EXOC4: variants seen among roughly 807,000 people sequenced by gnomAD.
EXOC4 encodes the protein SEC8-like 1.
EXOC4 carries 71 observed loss-of-function variants against 107.2 expected under a neutral mutation model. The ratio of observed to expected loss-of-function variants is 0.66; its 90% CI spans 0.55 to 0.81. The LOEUF (loss-of-function observed/expected upper bound fraction) is 0.81, where lower values mean the gene tolerates loss of function less well. Ranked by LOEUF, EXOC4 falls within the 30% of genes least tolerant of loss-of-function variation. The pLI is 0.00. For missense variants in EXOC4, 1,108 were observed against 1,189.6 expected (o/e 0.93, Z 1.01); for synonymous variants, 456 against 441.2 (o/e 1.03, Z -0.42).
intron 10 of EXOC4, among the ~76,000 whole-genome samples, chr7:133,660,157 A>G (rs1280119378): frequency 1.4e-5 from 2 of 143,594 alleles, no homozygotes; most frequent in East Asian, 4.2e-4. Context: ...ACGGACTAGA[A>G]CTTCTATGTG....
At chr7:133,370,166 A>G (rs1359203532) in intron 6 of EXOC4, among the ~76,000 whole-genome samples, 1 of 122,168 alleles carries the variant, frequency 8.2e-6, no homozygotes, top group African/African-American at 3.1e-5. Context: ...CATAAACCAA[A>G]GAGTATCTGA....
intron 6 of EXOC4, among the ~76,000 whole-genome samples, chr7:133,362,337 G>A (rs1796154534): frequency 6.6e-6 from 1 of 152,118 alleles, no homozygotes; most frequent in African/African-American, 2.4e-5. Flanking sequence ...GTATTGTAAG[G>A]GGTTGTACAC....
intron 11 of EXOC4, among the ~76,000 whole-genome samples, chr7:133,841,506 CT>C: frequency 6.6e-6 from 1 of 152,016 alleles, no homozygotes; most frequent in South Asian, 2.1e-4. Context: ...TCTGCTGCAG[CT>C]TTTTTTTCCT....
intron 7 of EXOC4, among the ~76,000 whole-genome samples, chr7:133,456,630 C>G (rs757374817): frequency 2.0e-5 from 3 of 152,140 alleles, no homozygotes; most frequent in Non-Finnish European, 2.9e-5. Context: ...TCATCTTGAA[C>G]TTGAAGGCAG....
At chr7:134,062,045 C>T (rs946524186) in intron 17 of EXOC4, among the ~76,000 whole-genome samples, 1 of 152,128 alleles carries the variant, frequency 6.6e-6, no homozygotes, top group East Asian at 1.9e-4. Flanking sequence ...TTCAGGGTCA[C>T]CCTGGACCAG....
intron 10 of EXOC4, among the ~76,000 whole-genome samples, chr7:133,635,127 C>T (rs1427691033): frequency 6.6e-6 from 1 of 151,952 alleles, no homozygotes; most frequent in Non-Finnish European, 1.5e-5. Context: ...GGTTTCTTTC[C>T]AAAAATAATT....
At chr7:133,739,323 GTC>G (rs1245413956) in intron 10 of EXOC4, among the ~76,000 whole-genome samples, 6 of 151,622 alleles carry the variant, frequency 4.0e-5, no homozygotes, top group African/African-American at 1.5e-4. Context: ...TGGCTAAACA[GTC>G]TCTGTAAGAT....
intron 17 of EXOC4, among the ~76,000 whole-genome samples, chr7:134,036,317 A>G (rs932257497): frequency 2.6e-5 from 4 of 152,130 alleles, no homozygotes; most frequent in Admixed American, 6.6e-5. Flanking sequence ...CCCGGGTGCA[A>G]TGGCTCAAGC....
At chr7:133,696,362 CT>C (rs1056288933) in intron 10 of EXOC4, among the ~76,000 whole-genome samples, 24 of 152,302 alleles carry the variant, frequency 1.6e-4, no homozygotes, top group African/African-American at 5.5e-4. Context: ...TGATTTAGGG[CT>C]TAAAGGTCAT....
intron 10 of EXOC4, among the ~76,000 whole-genome samples, chr7:133,781,592 G>C: frequency 6.6e-6 from 1 of 152,188 alleles, no homozygotes; most frequent in East Asian, 1.9e-4. Flanking sequence ...TCAGTGTCAG[G>C]GCTAAGTAAT....
intron 10 of EXOC4, among the ~76,000 whole-genome samples, chr7:133,760,018 A>G (rs972485233): frequency 6.6e-6 from 1 of 152,186 alleles, no homozygotes; most frequent in Admixed American, 6.5e-5. Flanking sequence ...CAATGATGAA[A>G]TGGCGTAATG....
At chr7:133,714,372 T>C (rs993866) in intron 10 of EXOC4, among the ~76,000 whole-genome samples, 150,068 of 152,252 alleles carry the variant, frequency 0.99, 74,010 homozygotes, top group Middle Eastern at 1. Flanking sequence ...ATTTTAGGAA[T>C]CAATTGTGTT....
intron 4 of EXOC4, among the ~76,000 whole-genome samples, chr7:133,315,808 G>A (rs1794978368): frequency 6.6e-6 from 1 of 152,134 alleles, no homozygotes; most frequent in African/African-American, 2.4e-5. Flanking sequence ...TAGCCTGTGA[G>A]TGATTTTAAC....
intron 16 of EXOC4, 74 bp downstream of exon 16, chr7:134,005,164 T>C: frequency 6.9e-7 from 1 of 1,449,212 alleles, no homozygotes; most frequent in Non-Finnish European, 9.4e-7. Context: ...TCTGTATTAC[T>C]GAAGTTCAAG....
chr7:134,080,696 C>A, the EXOC4 span, among the ~76,000 whole-genome samples: 24 of 152,060 alleles, frequency 1.6e-4, no homozygotes, highest in African/African-American at 5.5e-4. Context: ...TAATCCCATT[C>A]TTTTGGGAGG....
At chr7:133,321,483 T>C (rs1795111111) in intron 5 of EXOC4, among the ~76,000 whole-genome samples, 1 of 152,184 alleles carries the variant, frequency 6.6e-6, no homozygotes, top group African/African-American at 2.4e-5. Flanking sequence ...TATGTTCTCA[T>C]TGTTCAACTC....
At chr7:134,058,084 C>T (rs1353705828) in intron 17 of EXOC4, among the ~76,000 whole-genome samples, 3 of 152,102 alleles carry the variant, frequency 2.0e-5, no homozygotes, top group Non-Finnish European at 2.9e-5. Context: ...ATCATAGATA[C>T]CATTGAGTGG....
At chr7:133,664,120 G>T (rs148130009) in intron 10 of EXOC4, among the ~76,000 whole-genome samples, 2 of 152,082 alleles carry the variant, frequency 1.3e-5, no homozygotes, top group African/African-American at 4.8e-5. Flanking sequence ...TTTCTCAAAC[G>T]TTACCTTCCT....
intron 6 of EXOC4, among the ~76,000 whole-genome samples, chr7:133,369,630 A>G (rs754234416): frequency 6.6e-6 from 1 of 151,900 alleles, no homozygotes; most frequent in Non-Finnish European, 1.5e-5. Context: ...CTTATTCTGC[A>G]TATTATCCCC....
Sources: allele counts gnomAD v4.1 joint callset (sites outside exome capture counted in the v4.1 genomes callset), GRCh38; gene constraint gnomAD v4.1.1; transcripts MANE v1.5; gene names NCBI Gene and HGNC (gene_info 2026-07-23, HGNC 2026-07-21).